TEAD4: variants seen among roughly 807,000 people sequenced by gnomAD.
TEAD4 encodes TEA domain transcription factor 4, also known as transcriptional enhancer factor TEF-3.
Under a neutral mutation model 52.4 loss-of-function variants are expected in TEAD4, and 36 were observed. That is an observed-to-expected ratio of 0.69 (90% CI 0.53 to 0.91). TEAD4 has a LOEUF of 0.91. TEAD4 is among the 40% of genes least tolerant of loss of function. The pLI, the probability that TEAD4 is intolerant of heterozygous loss-of-function variation, is 0.00. For missense variants in TEAD4, 508 were observed against 583.9 expected (o/e 0.87, Z 1.34); for synonymous variants, 220 against 231.0 (o/e 0.95, Z 0.43).
In TEAD4 at chr12:3,021,981, G is replaced by C; in HGVS notation, c.861G>C (p.Arg287=). The stretch of plus-strand genomic sequence containing the variant: ...GTGGACTCAAGGATCTCTTCGAACG[G>C]GGACCCTCCAATGCCTTTTTTCTTG... Residue 287 remains arginine, a synonymous_variant, in exon 10 of 13, where the codon CGG becomes CGC. Coordinates refer to ENST00000359864, the MANE Select transcript of TEAD4 (RefSeq NM_003213.4). The C allele has an allele frequency of 6.2e-7, 1 of 1,614,224 alleles. No homozygotes were observed. Among genetic ancestry groups the C allele is most frequent in the Non-Finnish European group, 8.5e-7 (1 of 1,180,040 alleles).
intron 3 of TEAD4, among the ~76,000 whole-genome samples, chr12:2,998,022 G>A (rs2098248608): frequency 6.6e-6 from 1 of 152,012 alleles, no homozygotes; most frequent in Non-Finnish European, 1.5e-5. Context: ...TCCAGCCCTG[G>A]CAACTGCCAT....
chr12:3,011,708 C>G (rs1445318618), intron 4 of TEAD4, among the ~76,000 whole-genome samples: 1 of 152,170 alleles, frequency 6.6e-6, no homozygotes, highest in Non-Finnish European at 1.5e-5. Flanking sequence ...CTCTGTTGCC[C>G]AGGCTGGAGT....
intron 5 of TEAD4, among the ~76,000 whole-genome samples, chr12:3,016,321 TC>T (rs2098264458): frequency 6.6e-6 from 1 of 152,110 alleles, no homozygotes; most frequent in East Asian, 1.9e-4. Flanking sequence ...AACCACCACT[TC>T]CGGCCAGGTA....
At chr12:2,974,675 G>C (rs111509351) in intron 2 of TEAD4, among the ~76,000 whole-genome samples, 4 of 152,204 alleles carry the variant, frequency 2.6e-5, no homozygotes, top group African/African-American at 9.6e-5. Context: ...GGCATTCCCC[G>C]GTGTGGAGAC....
At chr12:3,002,569 G>A (rs933419) in intron 3 of TEAD4, among the ~76,000 whole-genome samples, 89,807 of 152,168 alleles carry the variant, frequency 0.59, 31,854 homozygotes, top group Middle Eastern at 0.78. Flanking sequence ...GCGCTATCTC[G>A]TGGTTTTTGA....
chr12:2,999,643 C>T (rs554841253), intron 3 of TEAD4, among the ~76,000 whole-genome samples: 7 of 152,352 alleles, frequency 4.6e-5, no homozygotes, highest in South Asian at 4.1e-4. Flanking sequence ...CTCCTGCTCA[C>T]GGCCGCTTTC....
intron 2 of TEAD4, among the ~76,000 whole-genome samples, chr12:2,981,195 T>C (rs1376417431): frequency 6.6e-6 from 1 of 152,194 alleles, no homozygotes; most frequent in East Asian, 1.9e-4. Context: ...CTCCCACAAG[T>C]GCTGGGCTGC....
intron 2 of TEAD4, among the ~76,000 whole-genome samples, chr12:2,983,431 T>C (rs941258678): frequency 2.6e-5 from 4 of 152,136 alleles, no homozygotes; most frequent in Non-Finnish European, 5.9e-5. Context: ...TTCTGGGATC[T>C]GGGGAGGGAG....
At chr12:3,023,582 T>TCA (rs1491383910) in intron 10 of TEAD4, among the ~76,000 whole-genome samples, 2 of 150,152 alleles carry the variant, frequency 1.3e-5, no homozygotes, top group Non-Finnish European at 3.0e-5. Flanking sequence ...GGCCAGGAGT[T>TCA]CAAGAACAGC....
intron 2 of TEAD4, among the ~76,000 whole-genome samples, chr12:2,984,534 C>T (rs939620110): frequency 2.6e-5 from 4 of 152,112 alleles, no homozygotes; most frequent in East Asian, 1.9e-4. Flanking sequence ...TGCTGCTTCA[C>T]GAAGGGGATG....
At chr12:3,015,911 G>A (rs2098264144) in intron 5 of TEAD4, among the ~76,000 whole-genome samples, 1 of 152,114 alleles carries the variant, frequency 6.6e-6, no homozygotes, top group Admixed American at 6.6e-5. Context: ...GGGGGCGGTG[G>A]CTCATGCCTA....
chr12:2,974,829 C>T (rs1164082251), intron 2 of TEAD4, among the ~76,000 whole-genome samples: 1 of 152,168 alleles, frequency 6.6e-6, no homozygotes, highest in African/African-American at 2.4e-5. Context: ...ACTTTGAGAG[C>T]AGCTGATTGA....
chr12:3,017,603 C>G, intron 6 of TEAD4, 77 bp downstream of exon 6: 1 of 1,501,892 alleles, frequency 6.7e-7, no homozygotes, highest in African/African-American at 1.4e-5. Context: ...GAGCCAGAAG[C>G]ATTGGCCAGC....
At chr12:3,035,823 CAA>C (rs760133553) in intron 10 of TEAD4, among the ~76,000 whole-genome samples, 2 of 120,878 alleles carry the variant, frequency 1.7e-5, no homozygotes, top group African/African-American at 5.9e-5. Flanking sequence ...CTGTCTTTAA[CAA>C]AAAAAAAAAA....
chr12:3,008,170 GT>G (rs1207735078), intron 3 of TEAD4, among the ~76,000 whole-genome samples: 41 of 152,110 alleles, frequency 2.7e-4, no homozygotes, highest in Non-Finnish European at 4.4e-4. Context: ...GTGGAGGAAA[GT>G]AAAGGCAGTG....
chr12:2,988,985 A>G (rs1375750052), intron 2 of TEAD4, among the ~76,000 whole-genome samples: 2 of 152,200 alleles, frequency 1.3e-5, no homozygotes, highest in African/African-American at 4.8e-5. Flanking sequence ...AAAGGTAGAT[A>G]GTGTTTCTCT....
intron 2 of TEAD4, among the ~76,000 whole-genome samples, chr12:2,980,630 G>A (rs957037621): frequency 2.0e-5 from 3 of 152,158 alleles, no homozygotes; most frequent in Non-Finnish European, 4.4e-5. Flanking sequence ...CTACTCAGGA[G>A]GCTGAGGCAG....
At chr12:3,028,873 C>T (rs1440241348) in intron 10 of TEAD4, among the ~76,000 whole-genome samples, 5 of 152,012 alleles carry the variant, frequency 3.3e-5, no homozygotes, top group Admixed American at 6.6e-5. Context: ...TCAAGCGATT[C>T]GCCTGCCTCA....
chr12:2,983,269 T>C (rs1002333334), intron 2 of TEAD4, among the ~76,000 whole-genome samples: 2 of 152,208 alleles, frequency 1.3e-5, no homozygotes, highest in Admixed American at 6.5e-5. Context: ...ATAGCTCTTA[T>C]GAGCACTGAC....
Sources: gnomAD v4.1 joint callset for allele counts (sites outside exome capture counted in the v4.1 genomes callset) on GRCh38, gnomAD v4.1.1 for gene constraint, MANE v1.5 for transcripts, NCBI Gene and HGNC (gene_info 2026-07-23, HGNC 2026-07-21) for gene names.